The following DARS1 variants were observed in gnomAD, a reference collection of about 807,000 sequenced individuals.
DARS1 encodes aspartyl-tRNA synthetase 1, also known as aspartate--tRNA ligase, cytoplasmic.
A neutral mutation model predicts 68.8 loss-of-function variants in DARS1; 51 were observed. The ratio of observed to expected loss-of-function variants is 0.74; its 90% CI spans 0.59 to 0.94. The LOEUF is 0.94. DARS1 is among the 40% of genes least tolerant of loss of function. The probability of loss-of-function intolerance (pLI) is 0.00; values close to 1 mark genes in which losing one functional copy is unlikely to be tolerated. For synonymous variants in DARS1, 203 were observed against 190.4 expected (o/e 1.07, Z -0.55); for missense variants, 607 against 597.3 (o/e 1.02, Z -0.17).
At chr2:135,960,338 T>C (rs1682073318) in intron 4 of DARS1, among the ~76,000 whole-genome samples, 1 of 152,178 alleles carries the variant, frequency 6.6e-6, no homozygotes, top group South Asian at 2.1e-4. Context: ...TTGATAAATA[T>C]CTAAACCAAA....
chr2:135,982,475 A>C (rs1369703253), intron 2 of DARS1, among the ~76,000 whole-genome samples: 4 of 151,892 alleles, frequency 2.6e-5, no homozygotes, highest in African/African-American at 4.8e-5. Flanking sequence ...GTGCGCCTGT[A>C]GTCCCAGCTG....
chr2:135,984,325 T>C lies in DARS1; in HGVS notation c.67-871A>G, dbSNP rs555265541. Among the ~76,000 whole-genome samples, 19 of 152,306 alleles carry C rather than the reference T, an allele frequency of 1.2e-4. No individual in the cohort carries two copies. In the South Asian group the frequency reaches 1.9e-3, roughly 15 times the overall value. On this transcript the variant is annotated intron_variant, in intron 1 of 15. Transcript: ENST00000264161. ...GCAGATTAAGAGTACACAAAAATAATTGCCCTAGTTTTTACAAGGTAACTT... is the reference window on the plus strand; with the variant it reads ...GCAGATTAAGAGTACACAAAAATAACTGCCCTAGTTTTTACAAGGTAACTT...
At chr2:135,976,090 A>C (rs910511163) in intron 3 of DARS1, among the ~76,000 whole-genome samples, 3 of 152,232 alleles carry the variant, frequency 2.0e-5, no homozygotes, top group Non-Finnish European at 2.9e-5. Flanking sequence ...TAAATTTTTC[A>C]ATTTTGCAAA....
Position 135,907,207 on chromosome 2 carries a change from A to T in DARS1, c.*109T>A, listed in dbSNP as rs1210219397. On this transcript the variant is annotated 3_prime_UTR_variant, in exon 16 of 16. Coordinates refer to ENST00000264161, the MANE Select transcript of DARS1 (RefSeq NM_001349.4). ...TAAGTACCTAAAGTACAGCCTGTGC[A>T]CTAGCAGGTTACTGAAAAGAATAAG... The T allele has an allele frequency of 4.6e-6, 3 of 645,268 alleles. No individual in the cohort carries two copies. Among genetic ancestry groups the T allele is most frequent in the Non-Finnish European group, 5.1e-6 (2 of 388,910 alleles). The allele number at this position is 645,268 out of a possible 1,614,324, so 40.0% of individuals were successfully genotyped here. A position where few individuals can be genotyped will look rare whatever the true frequency, so the allele number is the denominator to read the frequency against.
At chr2:135,968,196 G>A (rs915890316) in intron 3 of DARS1, among the ~76,000 whole-genome samples, 1 of 152,110 alleles carries the variant, frequency 6.6e-6, no homozygotes, top group African/African-American at 2.4e-5. Flanking sequence ...CCCGGCAGGT[G>A]GAGGTTGCAG....
intron 4 of DARS1, among the ~76,000 whole-genome samples, chr2:135,957,426 G>A (rs1012562800): frequency 6.6e-6 from 1 of 151,954 alleles, no homozygotes; most frequent in Admixed American, 6.6e-5. Context: ...ACGGGTGTTA[G>A]CCAGGATGGT....
At position 135,914,351 on chromosome 2, in the gene DARS1, T is replaced by TAA. The variant is rs1315695280; in HGVS notation, c.1149+117_1149+118insTT. On this transcript the variant is annotated intron_variant, in intron 12 of 15. Transcript: ENST00000264161. ...TTTTTTTAATGTTGTCCTTCTTCGG[T>TAA]TTTTATTTATTCCAGAATCATACCA... The TAA allele has an allele frequency of 8.6e-6, 6 of 699,224 alleles. No individual in the cohort carries two copies. The African/African-American group carries it at 1.1e-4, about 12-fold the overall frequency. 43.3% of individuals were successfully genotyped at this position (699,224 alleles called of 1,614,324 possible).
chr2:135,983,091 C>T (rs1415663633), intron 2 of DARS1, among the ~76,000 whole-genome samples: 2 of 152,298 alleles, frequency 1.3e-5, no homozygotes, highest in East Asian at 1.9e-4. Context: ...AGCCACTCTC[C>T]TATCTCCTAG....
chr2:135,985,248 T>G, intron 1 of DARS1, 155 bp downstream of exon 1: 1 of 1,277,178 alleles, frequency 7.8e-7, no homozygotes, highest in Non-Finnish European at 1.0e-6. Context: ...GCCCCACTGC[T>G]GGGGCAAGGG....
At chr2:135,946,760 A>G (rs1254187675) in intron 4 of DARS1, among the ~76,000 whole-genome samples, 2 of 152,122 alleles carry the variant, frequency 1.3e-5, no homozygotes, top group African/African-American at 2.4e-5. Flanking sequence ...AAATCGGGGG[A>G]AAAAGCAGTT....
At position 135,914,462 on chromosome 2, in the gene DARS1, G is replaced by T. The variant is rs373337130; in HGVS notation, c.1149+7C>A. On this transcript the variant is annotated splice_region_variant and intron_variant, in intron 12 of 15. Coordinates refer to ENST00000264161, the MANE Select transcript of DARS1 (RefSeq NM_001349.4). The stretch of plus-strand genomic sequence containing the variant: ...GAAAAAGAAATCCAGCATATAAAGA[G>T]TCCTACCTTTTCCTTTACCAAATGA... The T allele has an allele frequency of 2.8e-5, 36 of 1,288,954 alleles. No individual in the cohort carries two copies. In the African/African-American group the frequency reaches 4.7e-4, roughly 17 times the overall value. 79.8% of individuals were successfully genotyped at this position (1,288,954 alleles called of 1,614,324 possible). A position where few individuals can be genotyped will look rare whatever the true frequency, so the allele number is the denominator to read the frequency against.
At chr2:135,933,307 T>C (rs1342959406) in intron 6 of DARS1, among the ~76,000 whole-genome samples, 1 of 152,260 alleles carries the variant, frequency 6.6e-6, no homozygotes, top group Non-Finnish European at 1.5e-5. Context: ...TTTTTGTTTT[T>C]CACTCTTCAT....
At chr2:135,966,754 G>A (rs1403697388) in intron 3 of DARS1, among the ~76,000 whole-genome samples, 1 of 152,044 alleles carries the variant, frequency 6.6e-6, no homozygotes, top group African/African-American at 2.4e-5. Context: ...GGCTGGTCTC[G>A]AACTCCTGAC....
intron 15 of DARS1, among the ~76,000 whole-genome samples, chr2:135,910,695 A>C (rs1263163661): frequency 6.6e-6 from 1 of 152,166 alleles, no homozygotes; most frequent in African/African-American, 2.4e-5. Flanking sequence ...CATTCAAAAA[A>C]TTTTTTAAGA....
At chr2:135,940,102 C>T (rs1445629406) in intron 5 of DARS1, among the ~76,000 whole-genome samples, 1 of 152,222 alleles carries the variant, frequency 6.6e-6, no homozygotes, top group Non-Finnish European at 1.5e-5. Context: ...GGTACCATTC[C>T]TTCTGAAACT....
chr2:135,970,312 T>G (rs1407140116), intron 3 of DARS1, among the ~76,000 whole-genome samples: 1 of 117,090 alleles, frequency 8.5e-6, no homozygotes, highest in South Asian at 2.8e-4. Flanking sequence ...CACAACAGAA[T>G]AACACTACAA....
chr2:135,908,503 T>C (rs1047533271), intron 15 of DARS1, among the ~76,000 whole-genome samples: 4 of 152,222 alleles, frequency 2.6e-5, no homozygotes, highest in Admixed American at 1.3e-4. Flanking sequence ...TCTTCCACAA[T>C]GGTTGAATTA....
At chr2:135,939,558 G>C (rs1233220164) in intron 5 of DARS1, among the ~76,000 whole-genome samples, 1 of 152,144 alleles carries the variant, frequency 6.6e-6, no homozygotes, top group Non-Finnish European at 1.5e-5. Context: ...GAGAAAGCAA[G>C]AAAGATCTAA....
Position 135,933,981 on chromosome 2 carries a change from T to C in DARS1, c.433A>G (p.Ile145Val), listed in dbSNP as rs538622366. The C allele has an allele frequency of 2.7e-5, 43 of 1,612,006 alleles. No individual in the cohort carries two copies. The African/African-American group carries it at 4.8e-4, about 18-fold the overall frequency. The stretch of plus-strand genomic sequence containing the variant: ...GGCAGACGGGGTTCAGCCAAACTGA[T>C]CACATAAATCTGTAAGTGAGAGATT... Reference protein sequence around the residue: ...VELHVQKIYVISLAEPRLPLQ... With the variant: ...VELHVQKIYVVSLAEPRLPLQ... The change falls in exon 6 of 16, where the codon ATC (isoleucine) becomes GTC (valine). Residue 145 changes from isoleucine to valine, a missense_variant. Ile to Val is a conservative substitution (Grantham distance 29). Coordinates refer to ENST00000264161, the MANE Select transcript of DARS1 (RefSeq NM_001349.4).
Sources: allele counts gnomAD v4.1 joint callset (sites outside exome capture counted in the v4.1 genomes callset), GRCh38; gene constraint gnomAD v4.1.1; transcripts MANE v1.5; gene names NCBI Gene and HGNC (gene_info 2026-07-23, HGNC 2026-07-21).